Variants in IFT88 observed in about 807,000 individuals in gnomAD.
The protein encoded by IFT88 is intraflagellar transport protein 88 homolog.
IFT88 carries 74 observed loss-of-function variants against 119.5 expected under a neutral mutation model. The observed-to-expected ratio is 0.62, with a 90% CI of 0.51 to 0.75. The LOEUF (loss-of-function observed/expected upper bound fraction) is 0.75, where lower values mean the gene tolerates loss of function less well. IFT88 is among the 30% of genes least tolerant of loss of function. IFT88 has a pLI of 0.00. For missense variants in IFT88, 961 were observed against 977.7 expected, an observed-to-expected ratio of 0.98 and a Z score of 0.23; for synonymous variants, 279 against 316.7, an observed-to-expected ratio of 0.88 and a Z score of 1.26.
At chr13:20,670,523 C>CT (rs56143632) in intron 23 of IFT88, among the ~76,000 whole-genome samples, 34,844 of 94,694 alleles carry the variant, frequency 0.37, 7,741 homozygotes, top group Non-Finnish European at 0.49. Flanking sequence ...CTCAGCTTAC[C>CT]TTTTTTTTTT....
chr13:20,611,970 ATAAACT>A (rs150529679), intron 13 of IFT88, among the ~76,000 whole-genome samples: 24,920 of 152,074 alleles, frequency 0.16, 2,337 homozygotes, highest in African/African-American at 0.25. Flanking sequence ...TGCAAAACAA[ATAAACT>A]TAAAACTGGA....
rs2050533085 is a variant in IFT88 at position 20,645,091 on chromosome 13, T to G, written c.1949+133T>G. On this transcript the variant is annotated intron_variant, in intron 20 of 25. Coordinates refer to ENST00000351808, the MANE Select transcript of IFT88 (RefSeq NM_006531.5). Reference sequence around the variant, plus strand: ...TGGACATTCATAAATTATTTTTGTTTGTTTGTTGTTTGTTTGAGACGGAGT... The same window carrying G: ...TGGACATTCATAAATTATTTTTGTTGGTTTGTTGTTTGTTTGAGACGGAGT... 6 of 519,960 alleles carry G rather than the reference T, an allele frequency of 1.2e-5. No individual in the cohort carries two copies. In the South Asian group the frequency reaches 1.2e-4, roughly 10 times the overall value. The allele number at this position is 519,960 out of a possible 1,614,324, so 32.2% of individuals were successfully genotyped here. A position where few individuals can be genotyped will look rare whatever the true frequency, so the allele number is the denominator to read the frequency against.
intron 23 of IFT88, among the ~76,000 whole-genome samples, chr13:20,670,488 T>C (rs1177665287): frequency 3.3e-5 from 5 of 151,954 alleles, no homozygotes; most frequent in Non-Finnish European, 7.4e-5. Context: ...AATCATACTT[T>C]TATTTTATAA....
At chr13:20,650,439 A>T (rs2051446270) in intron 20 of IFT88, among the ~76,000 whole-genome samples, 1 of 152,262 alleles carries the variant, frequency 6.6e-6, no homozygotes, top group East Asian at 1.9e-4. Flanking sequence ...TGATAAAAAT[A>T]CTCCAATCAG....
At chr13:20,598,906 A>G (rs1161502413) in intron 10 of IFT88, among the ~76,000 whole-genome samples, 153 bp downstream of exon 10, 2 of 152,058 alleles carry the variant, frequency 1.3e-5, no homozygotes, top group Non-Finnish European at 2.9e-5. Flanking sequence ...CATACTATTT[A>G]TATAAAAATC....
chr13:20,580,392 C>G (rs1471963068), intron 2 of IFT88, among the ~76,000 whole-genome samples: 5 of 152,012 alleles, frequency 3.3e-5, no homozygotes, highest in Non-Finnish European at 5.9e-5. Flanking sequence ...TGGCGGGCAC[C>G]TGTAATCTCA....
Position 20,653,888 on chromosome 13 carries a change from G to A in IFT88, c.1962G>A (p.Val654=), listed in dbSNP as rs2052249832. 1 of 1,581,014 alleles carries A rather than the reference G, an allele frequency of 6.3e-7. No individual in the cohort carries two copies. The highest frequency in any genetic ancestry group is 8.6e-7 in the Non-Finnish European group (1 of 1,162,054). ...ATTTATTTTATAGGCCTACACAAGT[G>A]AAATGGCAGCTGATGGTAGCTAGTT... ...ERASLIQPTQ[V]KWQLMVASCF... The change falls in exon 21 of 26, where the codon GTG becomes GTA. Residue 654 remains valine (V), a synonymous_variant. Coordinates refer to ENST00000351808, the MANE Select transcript of IFT88 (RefSeq NM_006531.5).
chr13:20,677,365 G>C (rs775166582), intron 24 of IFT88, among the ~76,000 whole-genome samples: 5 of 151,990 alleles, frequency 3.3e-5, no homozygotes, highest in Non-Finnish European at 7.4e-5. Flanking sequence ...AATTCTCAGA[G>C]TAAGGCTAGG....
chr13:20,668,718 CAG>C lies in IFT88; in HGVS notation c.2176-2254_2176-2253del, dbSNP rs1051279957. On this transcript the variant is annotated intron_variant, in intron 23 of 25. Transcript: ENST00000351808. ...GAGCCAGTCCCGACCAGGGGACACA[CAG>C]GGGGTCTCCTGAGGAGATGAGGGAG... 1.2e-4 allele frequency among the ~76,000 whole-genome samples: 18 copies of C among 152,292 alleles called. No homozygotes were observed. The South Asian group carries it at 2.1e-3, about 18-fold the overall frequency.
chr13:20,663,379 T>C, intron 22 of IFT88, 119 bp from the exon 23 acceptor site: 1 of 1,535,138 alleles, frequency 6.5e-7, no homozygotes, highest in Non-Finnish European at 8.7e-7. Context: ...AGGAGAAAAA[T>C]ACTATTTGTA....
intron 2 of IFT88, 118 bp from the exon 3 acceptor site, chr13:20,582,839 T>A (rs2038962440): frequency 1.4e-6 from 1 of 706,600 alleles, no homozygotes; most frequent in Admixed American, 2.5e-5. Flanking sequence ...GTCCTAGATG[T>A]CAACAGTTGG....
At chr13:20,611,418 T>C (rs2044484212) in intron 13 of IFT88, among the ~76,000 whole-genome samples, 1 of 146,852 alleles carries the variant, frequency 6.8e-6, no homozygotes, top group South Asian at 2.2e-4. Context: ...GTCCCAGTTA[T>C]TTGGGAGAAT....
chr13:20,596,045 A>T (rs2041581931), intron 7 of IFT88, 105 bp from the exon 8 acceptor site: 1 of 245,004 alleles, frequency 4.1e-6, no homozygotes, highest in Non-Finnish European at 7.2e-6. Context: ...ACCAAGTAAG[A>T]CCTTGTCTGT....
At chr13:20,578,358 C>CTTTTTT (rs1158499742) in intron 2 of IFT88, among the ~76,000 whole-genome samples, 6 of 78,746 alleles carry the variant, frequency 7.6e-5, no homozygotes, top group African/African-American at 1.6e-4. Flanking sequence ...AGTCTTGTTA[C>CTTTTTT]TTTTTTTTTT....
In IFT88 at chr13:20,607,525, C is replaced by T. The variant is rs572455861; in HGVS notation, c.1112+2420C>T. 5.5e-5 allele frequency: 38 copies of T among 697,122 alleles called. No individual in the cohort carries two copies. In the East Asian group the frequency reaches 6.2e-4, roughly 11 times the overall value. The allele number at this position is 697,122 out of a possible 1,614,324, so 43.2% of individuals were successfully genotyped here. Reference sequence around the variant, plus strand: ...CTTTTGACATGTGGGGAGGCCGCCACGCTGTGCTTCTTGTTTCAGAACATT... The same window carrying T: ...CTTTTGACATGTGGGGAGGCCGCCATGCTGTGCTTCTTGTTTCAGAACATT... On this transcript the variant is annotated intron_variant, in intron 13 of 25. Transcript: ENST00000351808.
intron 24 of IFT88, among the ~76,000 whole-genome samples, chr13:20,673,342 G>A (rs893575686): frequency 6.6e-6 from 1 of 152,136 alleles, no homozygotes; most frequent in African/African-American, 2.4e-5. Context: ...CTCCTAATGG[G>A]ATGTGATAGA....
At chr13:20,658,644 A>G (rs1004973211) in intron 22 of IFT88, among the ~76,000 whole-genome samples, 6 of 152,200 alleles carry the variant, frequency 3.9e-5, no homozygotes, top group Non-Finnish European at 5.9e-5. Flanking sequence ...GGGATTGTGC[A>G]ATTCCACATT....
intron 2 of IFT88, among the ~76,000 whole-genome samples, chr13:20,579,363 G>A (rs1228012857): frequency 6.6e-6 from 1 of 152,092 alleles, no homozygotes; most frequent in African/African-American, 2.4e-5. Flanking sequence ...TGAACCGTAA[G>A]ACAAAGTCCT....
chr13:20,583,842 A>T (rs2039159868), intron 3 of IFT88, among the ~76,000 whole-genome samples: 1 of 152,194 alleles, frequency 6.6e-6, no homozygotes, highest in African/African-American at 2.4e-5. Context: ...ATTATTTTGC[A>T]CATGGATATT....
Sources: gnomAD v4.1 joint callset for allele counts (sites outside exome capture counted in the v4.1 genomes callset) on GRCh38, gnomAD v4.1.1 for gene constraint, MANE v1.5 for transcripts, NCBI Gene and HGNC (gene_info 2026-07-23, HGNC 2026-07-21) for gene names.